HAVCR1: variants seen among roughly 807,000 people sequenced by gnomAD.
HAVCR1 encodes the protein hepatitis A virus cellular receptor 1.
In HAVCR1, 34 loss-of-function variants were observed where a neutral mutation model predicts 32.0. The ratio of observed to expected loss-of-function variants is 1.06; its 90% confidence interval spans 0.81 to 1.42. The LOEUF is 1.42. Among genes scored for constraint, HAVCR1 ranks in the 40% most tolerant of loss-of-function variants. The probability of loss-of-function intolerance (pLI) is 0.00; values close to 1 mark genes in which losing one functional copy is unlikely to be tolerated. For synonymous variants in HAVCR1, 178 were observed against 170.3 expected (o/e 1.05, Z -0.35); for missense variants, 420 against 442.3 (o/e 0.95, Z 0.45).
chr5:157,047,212 C>T (rs1755453621), intron 5 of HAVCR1, among the ~76,000 whole-genome samples: 1 of 152,050 alleles, frequency 6.6e-6, no homozygotes, highest in African/African-American at 2.4e-5. Flanking sequence ...AGAGTCCTTC[C>T]CTGTGCCCCT....
At chr5:157,053,265 T>C (rs1218970933) in intron 3 of HAVCR1, among the ~76,000 whole-genome samples, 1 of 150,818 alleles carries the variant, frequency 6.6e-6, no homozygotes, top group African/African-American at 2.4e-5. Flanking sequence ...ATGCCTGAAA[T>C]CTCAGCTACT....
chr5:157,041,142 GA>G (rs1754866972), intron 6 of HAVCR1, among the ~76,000 whole-genome samples: 3 of 152,124 alleles, frequency 2.0e-5, no homozygotes, highest in South Asian at 2.1e-4. Context: ...AGTTCACTGA[GA>G]AAAAAAGTAT....
upstream of HAVCR1, among the ~76,000 whole-genome samples, chr5:157,062,507 C>A (rs1215831449): frequency 6.6e-6 from 1 of 152,186 alleles, no homozygotes; most frequent in African/African-American, 2.4e-5. Context: ...TGTTCATATT[C>A]CCCATGCTTT....
upstream of HAVCR1, among the ~76,000 whole-genome samples, chr5:157,063,671 G>C (rs184075829): frequency 1.1e-4 from 16 of 152,326 alleles, no homozygotes; most frequent in East Asian, 2.7e-3. Context: ...TACAAGTTGA[G>C]GAATGCTAAT....
At chr5:157,049,983 C>T (rs761913265) in intron 4 of HAVCR1, among the ~76,000 whole-genome samples, 24 of 152,166 alleles carry the variant, frequency 1.6e-4, no homozygotes, top group Non-Finnish European at 3.1e-4. Flanking sequence ...GATCACTTGC[C>T]TCTTCACAAA....
Position 157,055,700 on chromosome 5 carries a change from T to G in HAVCR1, c.47-167A>C, listed in dbSNP as rs116459360. Among the ~76,000 whole-genome samples, 496 of 151,934 alleles carry G rather than the reference T, an allele frequency of 3.3e-3. 5 individuals carry two copies. Among genetic ancestry groups the G allele is most frequent in the African/African-American group, 0.011 (441 of 41,442 alleles). On this transcript the variant is annotated intron_variant, in intron 2 of 8. Coordinates refer to ENST00000523175, the MANE Select transcript of HAVCR1 (RefSeq NM_001173393.3). ...AGCCAACATGGCAAAACCCGATCTC[T>G]ACTAAAAAAAAAATTACAAAAATTA...
intron 2 of HAVCR1, 97 bp from the exon 3 acceptor site, chr5:157,055,630 C>T: frequency 2.8e-6 from 2 of 712,312 alleles, no homozygotes; most frequent in Non-Finnish European, 4.6e-6. Context: ...CTTTGGGAGA[C>T]CAAGGCAGGC....
intron 5 of HAVCR1, among the ~76,000 whole-genome samples, chr5:157,045,322 T>C (rs1178287603): frequency 6.6e-6 from 1 of 152,152 alleles, no homozygotes; most frequent in Non-Finnish European, 1.5e-5. Flanking sequence ...ACAGTACGCA[T>C]GAACTACAAC....
intron 8 of HAVCR1, among the ~76,000 whole-genome samples, chr5:157,031,300 C>T (rs1476060822): frequency 6.6e-6 from 1 of 152,178 alleles, no homozygotes; most frequent in Non-Finnish European, 1.5e-5. Flanking sequence ...AGGTAATTAA[C>T]TCAGACTCAG....
At chr5:157,055,812 C>A (rs913203845) in intron 2 of HAVCR1, among the ~76,000 whole-genome samples, 49 of 152,072 alleles carry the variant, frequency 3.2e-4, no homozygotes, top group African/African-American at 1.2e-3. Flanking sequence ...TTGCAGCAAG[C>A]TGAGCTCGTG....
At chr5:157,048,539 A>C (rs1239124205) in intron 5 of HAVCR1, among the ~76,000 whole-genome samples, 1 of 152,204 alleles carries the variant, frequency 6.6e-6, no homozygotes, top group Non-Finnish European at 1.5e-5. Context: ...CTTTTTACAA[A>C]TGACAAAACA....
chr5:157,032,894 T>G lies in HAVCR1; in HGVS notation c.953-7A>C, dbSNP rs185021127. ...TCCTTTTTGAAGAAATACTCTAAAT[T>G]GAAGGGGTGGGGAGAGAGGAGTTGA... On this transcript the variant is annotated splice_region_variant and splice_polypyrimidine_tract_variant and intron_variant, in intron 7 of 8. Transcript: ENST00000523175. 2.6e-6 allele frequency: 4 copies of G among 1,561,498 alleles called. No individual in the cohort carries two copies. The highest frequency in any genetic ancestry group is 2.7e-5 in the African/African-American group (2 of 73,544).
chr5:157,047,985 G>C (rs1755509034), intron 5 of HAVCR1, among the ~76,000 whole-genome samples: 1 of 152,112 alleles, frequency 6.6e-6, no homozygotes, highest in African/African-American at 2.4e-5. Context: ...CTTGATGTAT[G>C]GGGAAAAAAC....
rs139137997 is a variant in HAVCR1 at position 157,030,802 on chromosome 5, C to A, written c.987-961G>T. Among the ~76,000 whole-genome samples the A allele has an allele frequency of 7.4e-3, 1,123 of 152,274 alleles. 9 individuals are homozygous for A. Among genetic ancestry groups the A allele is most frequent in the Non-Finnish European group, 9.7e-3 (661 of 68,016 alleles). On this transcript the variant is annotated intron_variant, in intron 8 of 8. Coordinates refer to ENST00000523175, the MANE Select transcript of HAVCR1 (RefSeq NM_001173393.3). ...CAAAGCCTGCCCCCAAAATATGGAA[C>A]TTGTCTTCATTCAGCTGCAGATGAA...
chr5:157,055,981 C>T (rs1032823632), intron 2 of HAVCR1, among the ~76,000 whole-genome samples: 21 of 151,976 alleles, frequency 1.4e-4, no homozygotes, highest in Non-Finnish European at 7.4e-5. Context: ...GAGTCTTGCT[C>T]TGTCACCCAG....
chr5:157,066,055 T>TAA, the HAVCR1 span, among the ~76,000 whole-genome samples: 36 of 66,914 alleles, frequency 5.4e-4, 1 homozygote, highest in Middle Eastern at 8.8e-3. Flanking sequence ...GACTCCGTCT[T>TAA]AAAAAAAAAA....
At chr5:157,047,080 GGTAA>G (rs1221343630) in intron 5 of HAVCR1, among the ~76,000 whole-genome samples, 2 of 152,050 alleles carry the variant, frequency 1.3e-5, no homozygotes, top group East Asian at 3.9e-4. Flanking sequence ...TTCTTATCAT[GGTAA>G]GTATGTTTGA....
upstream of HAVCR1, among the ~76,000 whole-genome samples, chr5:157,063,440 C>G (rs1014040720): frequency 6.6e-6 from 1 of 151,984 alleles, no homozygotes; most frequent in African/African-American, 2.4e-5. Context: ...CATGCATCAC[C>G]ACACCGGCTA....
chr5:157,058,544 G>C (rs547181269), intron 1 of HAVCR1: 1 of 152,282 alleles, frequency 6.6e-6, no homozygotes, highest in African/African-American at 2.4e-5. Flanking sequence ...CAGCCTGGGC[G>C]ACAGAGCAAG....
Sources: allele counts gnomAD v4.1 joint callset (sites outside exome capture counted in the v4.1 genomes callset), GRCh38; gene constraint gnomAD v4.1.1; transcripts MANE v1.5; gene names NCBI Gene and HGNC (gene_info 2026-07-23, HGNC 2026-07-21).